EYS: variants seen among roughly 807,000 people sequenced by gnomAD.
The protein encoded by EYS is protein eyes shut homolog.
A neutral mutation model predicts 282.1 loss-of-function variants in EYS; 250 were observed. The observed-to-expected ratio is 0.89, with a 90% CI of 0.80 to 0.98. EYS has a LOEUF of 0.98. Ranked by LOEUF, EYS falls within the 50% of genes least tolerant of loss-of-function variation. The probability of loss-of-function intolerance (pLI) is 0.00; values close to 1 mark genes in which losing one functional copy is unlikely to be tolerated. For synonymous variants in EYS, 1,355 were observed against 1,282.9 expected (o/e 1.06, Z -1.20); for missense variants, 4,016 against 3,709.0 (o/e 1.08, Z -2.15).
chr6:64,394,617 T>C (rs1429164313), intron 28 of EYS, among the ~76,000 whole-genome samples: 1 of 151,834 alleles, frequency 6.6e-6, no homozygotes, highest in Non-Finnish European at 1.5e-5. Flanking sequence ...TTACACCTTA[T>C]ACAAAAATCA....
chr6:64,556,425 A>AAAAGCCT (rs1765234470), intron 26 of EYS, among the ~76,000 whole-genome samples: 1 of 151,946 alleles, frequency 6.6e-6, no homozygotes, highest in Non-Finnish European at 1.5e-5. Flanking sequence ...TTGAGGAGAG[A>AAAAGCCT]AAAGCCTATC....
rs1010512931 is a variant in EYS at position 65,193,896 on chromosome 6, C to T, written c.2023+101967G>A. Among the ~76,000 whole-genome samples the T allele has an allele frequency of 2.0e-5, 3 of 151,732 alleles. No individual in the cohort carries two copies. In the Admixed American group the frequency reaches 2.0e-4, roughly 10 times the overall value. ...GTCTCAGGACACCAGTAAGTGGATCCAATTGAAATGCCTGCAATAATAACA... is the reference window on the plus strand; with the variant it reads ...GTCTCAGGACACCAGTAAGTGGATCTAATTGAAATGCCTGCAATAATAACA... On this transcript the variant is annotated intron_variant, in intron 12 of 42. Transcript: ENST00000503581.
chr6:64,919,026 G>A (rs1192826483), intron 15 of EYS, among the ~76,000 whole-genome samples: 1 of 152,080 alleles, frequency 6.6e-6, no homozygotes, highest in African/African-American at 2.4e-5. Context: ...ATGATATTCT[G>A]CAGTATTTTA....
chr6:63,931,980 TGA>T lies in EYS; in HGVS notation c.7055+52401_7055+52402del, dbSNP rs1316951782. 6.1e-3 allele frequency among the ~76,000 whole-genome samples: 927 copies of T among 152,328 alleles called. 12 individuals are homozygous for T. The highest frequency in any genetic ancestry group is 0.021 in the African/African-American group (888 of 41,576). ...ACCACAATTCTATTCTCTACTTCTA[TGA>T]GCTCATATTTTTGTAGTTTCCACAT... On this transcript the variant is annotated intron_variant, in intron 35 of 42. Coordinates refer to ENST00000503581, the MANE Select transcript of EYS (RefSeq NM_001142800.2).
At position 64,000,168 on chromosome 6, in the gene EYS, C is replaced by CTTTTTTTTTTT. The variant is rs71551553; in HGVS notation, c.6726-996_6726-986dup. On this transcript the variant is annotated intron_variant, in intron 33 of 42. Coordinates refer to ENST00000503581, the MANE Select transcript of EYS (RefSeq NM_001142800.2). ...CTGAGGAGTTTCCCAAGACATGGGA[C>CTTTTTTTTTTT]TTTTTTTTTTTTTTTTTTTTTTTTT... Among the ~76,000 whole-genome samples, 4 of 42,734 alleles carry CTTTTTTTTTTT rather than the reference C, an allele frequency of 9.4e-5. 1 individual carries two copies. The highest frequency in any genetic ancestry group is 2.6e-4 in the African/African-American group (3 of 11,406). 28.0% of individuals were successfully genotyped at this position (42,734 alleles called of 152,430 possible).
At chr6:64,847,162 C>G (rs1395080243) in intron 19 of EYS, among the ~76,000 whole-genome samples, 1 of 152,014 alleles carries the variant, frequency 6.6e-6, no homozygotes, top group Non-Finnish European at 1.5e-5. Flanking sequence ...ACTGGCTGTT[C>G]TGGTCTAGGC....
At chr6:65,681,659 T>C (rs562633794) in intron 1 of EYS, among the ~76,000 whole-genome samples, 146 of 152,064 alleles carry the variant, frequency 9.6e-4, no homozygotes, top group Non-Finnish European at 1.6e-3. Context: ...TTATTACTTA[T>C]GGCTTAACAG....
intron 26 of EYS, among the ~76,000 whole-genome samples, chr6:64,573,688 G>C (rs1486795980): frequency 3.3e-5 from 5 of 152,074 alleles, no homozygotes. Context: ...CTCATCATCA[G>C]TGGTCATTAG....
At chr6:63,986,867 C>T (rs1308009690) in intron 34 of EYS, among the ~76,000 whole-genome samples, 1 of 151,506 alleles carries the variant, frequency 6.6e-6, no homozygotes, top group African/African-American at 2.4e-5. Context: ...ATCTGTACAA[C>T]AAAACATCAT....
At chr6:64,345,822 C>A (rs1209055814) in intron 29 of EYS, among the ~76,000 whole-genome samples, 1 of 151,922 alleles carries the variant, frequency 6.6e-6, no homozygotes, top group Non-Finnish European at 1.5e-5. Context: ...GGCTAATATC[C>A]AGAATCTACA....
At chr6:65,209,845 G>A (rs939900723) in intron 12 of EYS, among the ~76,000 whole-genome samples, 2 of 151,926 alleles carry the variant, frequency 1.3e-5, no homozygotes, top group African/African-American at 2.4e-5. Context: ...AGATATGGGA[G>A]AAGTGCATTA....
At chr6:65,095,689 G>A (rs148560036) in intron 12 of EYS, among the ~76,000 whole-genome samples, 63 of 150,744 alleles carry the variant, frequency 4.2e-4, no homozygotes, top group Non-Finnish European at 7.7e-4. Context: ...CAGAATGAAG[G>A]ATAAACATCA....
At chr6:65,570,133 A>T (rs1007871224) in intron 2 of EYS, among the ~76,000 whole-genome samples, 4 of 42,164 alleles carry the variant, frequency 9.5e-5, no homozygotes, top group Non-Finnish European at 1.4e-4. Flanking sequence ...AAAATAAAAT[A>T]AAAAAAAGTT....
At chr6:64,238,241 C>G (rs1766676929) in intron 30 of EYS, among the ~76,000 whole-genome samples, 1 of 152,102 alleles carries the variant, frequency 6.6e-6, no homozygotes, top group South Asian at 2.1e-4. Context: ...TTCATGTTCC[C>G]TGCATCCTTG....
Position 65,098,007 on chromosome 6 carries a change from T to A in EYS, c.2024-40280A>T, listed in dbSNP as rs372981178. On this transcript the variant is annotated intron_variant, in intron 12 of 42. Transcript: ENST00000503581. ...ATGTTAACTAACACAAGCACGTATT[T>A]TTGCTTTTGTTTTTAATTTCCACTT... Among the ~76,000 whole-genome samples the A allele has an allele frequency of 3.3e-4, 50 of 150,840 alleles. No individual in the cohort carries two copies. In the East Asian group the frequency reaches 9.0e-3, roughly 27 times the overall value.
chr6:65,319,865 C>T (rs1043938658), intron 11 of EYS, among the ~76,000 whole-genome samples: 1 of 152,144 alleles, frequency 6.6e-6, no homozygotes, highest in South Asian at 2.1e-4. Flanking sequence ...AGCTAGAATG[C>T]CTTCCTATTG....
At chr6:65,262,546 A>C (rs1767648771) in intron 12 of EYS, among the ~76,000 whole-genome samples, 1 of 152,074 alleles carries the variant, frequency 6.6e-6, no homozygotes, top group Non-Finnish European at 1.5e-5. Context: ...CATTCCCATA[A>C]GTCTCAGGGT....
intron 39 of EYS, among the ~76,000 whole-genome samples, chr6:63,783,271 G>A (rs970761616): frequency 3.3e-5 from 5 of 152,120 alleles, no homozygotes; most frequent in African/African-American, 1.2e-4. Context: ...AAGTCCAAAG[G>A]GTGGTTAGGG....
At position 64,973,472 on chromosome 6, in the gene EYS, AT is replaced by A. The variant is rs201847040; in HGVS notation, c.2259+24109del. Among the ~76,000 whole-genome samples, 79 of 152,096 alleles carry A rather than the reference AT, an allele frequency of 5.2e-4. No individual in the cohort carries two copies. The East Asian group carries it at 0.014, about 28-fold the overall frequency. ...ATAATTTAGCTTGGCGGGTTATGTG[AT>A]TTTTTTATCACACTTTGTGGTGAAA... is the stretch of plus-strand genomic sequence containing the variant. On this transcript the variant is annotated intron_variant, in intron 14 of 42. Transcript: ENST00000503581.
Sources: allele counts gnomAD v4.1 joint callset (sites outside exome capture counted in the v4.1 genomes callset), GRCh38; gene constraint gnomAD v4.1.1; transcripts MANE v1.5; gene names NCBI Gene and HGNC (gene_info 2026-07-23, HGNC 2026-07-21).